MICAL2: variants seen among roughly 807,000 people sequenced by gnomAD.
MICAL2 encodes microtubule associated monooxygenase, calponin and LIM domain containing 2.
Under a neutral mutation model 127.3 loss-of-function variants are expected in MICAL2, and 77 were observed. That is an observed-to-expected ratio of 0.60 (90% confidence interval 0.50 to 0.73). MICAL2 has a LOEUF of 0.73. Ranked by LOEUF, MICAL2 falls within the 30% of genes least tolerant of loss-of-function variation. MICAL2 has a pLI of 0.00. For synonymous variants in MICAL2, 570 were observed against 551.1 expected, an observed-to-expected ratio of 1.03 and a Z score of -0.48; for missense variants, 1,351 against 1,434.4, an observed-to-expected ratio of 0.94 and a Z score of 0.94.
chr11:12,326,010 T>C (rs1200945546), intron 31 of MICAL2, among the ~76,000 whole-genome samples: 1 of 152,194 alleles, frequency 6.6e-6, no homozygotes. Context: ...TTCCATCTAT[T>C]TCAGATTTTA....
At chr11:12,204,228 C>G (rs772291128) in intron 3 of MICAL2, 22 bp from the exon 4 acceptor site, 1 of 1,609,470 alleles carries the variant, frequency 6.2e-7, no homozygotes, top group Non-Finnish European at 8.5e-7. Flanking sequence ...CCAAGAGTCT[C>G]TCTCCTCTCT....
intron 29 of MICAL2, among the ~76,000 whole-genome samples, chr11:12,301,686 T>C (rs1864048760): frequency 1.3e-5 from 2 of 152,164 alleles, no homozygotes; most frequent in South Asian, 4.2e-4. Context: ...GTGGTCAGGC[T>C]GGGGCTCAGT....
At chr11:12,327,949 A>G (rs144393957) in intron 32 of MICAL2, among the ~76,000 whole-genome samples, 1,652 of 152,264 alleles carry the variant, frequency 0.011, 19 homozygotes, top group African/African-American at 0.038. Flanking sequence ...ACCTTGGGCC[A>G]GTCACATTAT....
chr11:12,306,898 C>T (rs549968860), intron 29 of MICAL2, among the ~76,000 whole-genome samples: 14 of 152,248 alleles, frequency 9.2e-5, no homozygotes, highest in South Asian at 2.1e-4. Flanking sequence ...TTTTTGAATG[C>T]GAATAAAGCT....
At chr11:12,294,771 T>C, downstream of MICAL2, 2 of 1,609,354 alleles carry the variant, frequency 1.2e-6, no homozygotes, top group African/African-American at 2.7e-5. Flanking sequence ...CTGCAGCCTT[T>C]CAAAAGCACC....
intron 1 of MICAL2, chr11:12,276,178 C>T (rs1863720742): frequency 2.5e-6 from 1 of 399,048 alleles, no homozygotes; most frequent in South Asian, 1.3e-4. Flanking sequence ...TATGCTCAGG[C>T]TGCTGCCAGA....
intron 8 of MICAL2, among the ~76,000 whole-genome samples, chr11:12,219,016 T>C (rs1856506960): frequency 6.6e-6 from 1 of 152,192 alleles, no homozygotes. Context: ...CATGTGGCTC[T>C]GTGAAGTAGG....
chr11:12,294,841 T>G (rs1863964503), downstream of MICAL2: 1 of 937,086 alleles, frequency 1.1e-6, no homozygotes, highest in African/African-American at 1.7e-5. Context: ...CTCCTCCTCC[T>G]ACAGCGGGAG....
At chr11:12,185,824 G>T (rs76392847) in intron 3 of MICAL2, among the ~76,000 whole-genome samples, 1,901 of 152,328 alleles carry the variant, frequency 0.012, 29 homozygotes, top group East Asian at 0.055. Flanking sequence ...TGACCCTTTT[G>T]TACTCTGTCA....
chr11:12,329,876 A>G (rs1011526264), intron 32 of MICAL2, among the ~76,000 whole-genome samples: 6 of 151,356 alleles, frequency 4.0e-5, no homozygotes, highest in African/African-American at 1.5e-4. Flanking sequence ...AAAAAAAAAA[A>G]AAAAAAAGAA....
At chr11:12,146,191 C>T (rs1004758034) in intron 2 of MICAL2, among the ~76,000 whole-genome samples, 1 of 152,082 alleles carries the variant, frequency 6.6e-6, no homozygotes, top group Non-Finnish European at 1.5e-5. Context: ...AAAGCAATGG[C>T]AACAAAAGCC....
chr11:12,261,290 G>A, intron 26 of MICAL2: 1 of 985,558 alleles, frequency 1.0e-6, no homozygotes, highest in Non-Finnish European at 1.2e-6. Context: ...AAAGGAATGG[G>A]TCTGACCTCC....
intron 16 of MICAL2, among the ~76,000 whole-genome samples, chr11:12,236,928 T>C (rs985599876): frequency 6.6e-6 from 1 of 152,224 alleles, no homozygotes; most frequent in East Asian, 1.9e-4. Context: ...GCCAGCCTAC[T>C]GGCTGACCTC....
At chr11:12,140,996 A>G (rs933515447) in intron 2 of MICAL2, among the ~76,000 whole-genome samples, 3 of 152,160 alleles carry the variant, frequency 2.0e-5, no homozygotes, top group African/African-American at 2.4e-5. Flanking sequence ...ACTTTTCCAT[A>G]TGTTGTGGCA....
At chr11:12,256,118 G>A (rs1862295274) in intron 23 of MICAL2, 1 of 187,622 alleles carries the variant, frequency 5.3e-6, no homozygotes, top group Non-Finnish European at 1.1e-5. Flanking sequence ...AAAAGGTCAT[G>A]GGGAAAATAG....
chr11:12,312,391 CTAAT>C (rs1864184517), intron 29 of MICAL2, among the ~76,000 whole-genome samples: 1 of 150,456 alleles, frequency 6.6e-6, no homozygotes, highest in Non-Finnish European at 1.5e-5. Context: ...AAATTTCTCT[CTAAT>C]TACTACTTTA....
chr11:12,180,351 T>TATA (rs1565108124), intron 3 of MICAL2, among the ~76,000 whole-genome samples: 91 of 92,702 alleles, frequency 9.8e-4, no homozygotes, highest in African/African-American at 4.0e-3. Flanking sequence ...ATGTATATAT[T>TATA]TTTTTTTTGG....
At chr11:12,211,177 C>T (rs1484035054) in intron 6 of MICAL2, among the ~76,000 whole-genome samples, 3 of 152,138 alleles carry the variant, frequency 2.0e-5, no homozygotes, top group Admixed American at 6.5e-5. Context: ...GTCAGGAGAT[C>T]GAGACCATCC....
At chr11:12,137,644 C>A (rs934859489) in intron 1 of MICAL2, among the ~76,000 whole-genome samples, 2 of 152,084 alleles carry the variant, frequency 1.3e-5, no homozygotes, top group Non-Finnish European at 2.9e-5. Flanking sequence ...CTCTGTTGAA[C>A]AAAGTGTGCG....
Sources: allele counts gnomAD v4.1 joint callset (sites outside exome capture counted in the v4.1 genomes callset), GRCh38; gene constraint gnomAD v4.1.1; transcripts MANE v1.5; gene names NCBI Gene and HGNC (gene_info 2026-07-23, HGNC 2026-07-21).